The following CLCN4 variants were observed in gnomAD, a reference collection of about 807,000 sequenced individuals.
CLCN4 encodes Cl-/H+ antiporter 4, also known as H(+)/Cl(-) exchange transporter 4.
Under a neutral mutation model 41.7 loss-of-function variants are expected in CLCN4, and 1 was observed. That is an observed-to-expected ratio of 0.02 (90% CI 0.01 to 0.11). The LOEUF is 0.11. Among genes scored for constraint, CLCN4 ranks in the 10% least tolerant of loss-of-function variants. The pLI is 1.00. For synonymous variants in CLCN4, 277 were observed against 285.8 expected (o/e 0.97, Z 0.31); for missense variants, 287 against 661.0 (o/e 0.43, Z 6.20).
intron 2 of CLCN4, among the ~76,000 whole-genome samples, chrX:10,167,238 T>C (rs1323222260): frequency 1.8e-5 from 2 of 112,252 alleles, no homozygotes; most frequent in Non-Finnish European, 3.8e-5. Flanking sequence ...TCACTGTCAG[T>C]GCCTTCCTGT....
intron 2 of CLCN4, among the ~76,000 whole-genome samples, chrX:10,163,702 G>A (rs754117529): frequency 2.2e-4 from 25 of 112,194 alleles, no homozygotes; most frequent in African/African-American, 8.1e-4. Context: ...CACTGCTCCC[G>A]GCCCCTTAAT....
intron 2 of CLCN4, among the ~76,000 whole-genome samples, chrX:10,175,482 C>T (rs1027044597): frequency 4.5e-5 from 5 of 111,633 alleles, no homozygotes; most frequent in Admixed American, 3.8e-4. Flanking sequence ...CAGCACCTCT[C>T]GTAATCCACA....
At chrX:10,164,447 T>C (rs1045305854) in intron 2 of CLCN4, among the ~76,000 whole-genome samples, 4 of 111,825 alleles carry the variant, frequency 3.6e-5, no homozygotes, top group Non-Finnish European at 5.6e-5. Context: ...AGCCACTGGA[T>C]GCTCCTGTGT....
At chrX:10,226,135 T>A (rs1048903703) in intron 12 of CLCN4, among the ~76,000 whole-genome samples, 3 of 111,563 alleles carry the variant, frequency 2.7e-5, no homozygotes. Context: ...AATCACATAA[T>A]TGGAAGTGAA....
chrX:10,228,234 C>G (rs1329535975), intron 12 of CLCN4, among the ~76,000 whole-genome samples: 2 of 109,717 alleles, frequency 1.8e-5, no homozygotes, highest in Non-Finnish European at 1.9e-5. Flanking sequence ...CTCCTCCCCC[C>G]TCCCCCATTC....
chrX:10,231,024 C>T (rs1432934609), intron 12 of CLCN4, among the ~76,000 whole-genome samples: 1 of 111,779 alleles, frequency 8.9e-6, no homozygotes, highest in Non-Finnish European at 1.9e-5. Context: ...CCACCAAACC[C>T]TGACAACCAC....
At chrX:10,196,889 A>G (rs1377386830) in intron 5 of CLCN4, among the ~76,000 whole-genome samples, 3 of 112,483 alleles carry the variant, frequency 2.7e-5, no homozygotes, top group African/African-American at 9.7e-5. Flanking sequence ...AGTAAGAGTG[A>G]GAGTTATTTT....
rs773265490 is a variant in CLCN4 at position 10,216,918 on chromosome X, T to TATACAC, written c.1975+2840_1975+2841insTACACA. 1.1e-3 allele frequency among the ~76,000 whole-genome samples: 43 copies of TATACAC among 38,931 alleles called. 1 individual carries two copies. The highest frequency in any genetic ancestry group is 4.2e-3 in the African/African-American group (38 of 9,013). The allele number at this position is 38,931 out of a possible 115,157, so 33.8% of individuals were successfully genotyped here. A position where few individuals can be genotyped will look rare whatever the true frequency, so the allele number is the denominator to read the frequency against. ...GTGTGTATATATATATATATATATA[T>TATACAC]ACACACACACACATAGAGGGACTTC... On this transcript the variant is annotated intron_variant, in intron 11 of 12. Coordinates refer to ENST00000380833, the MANE Select transcript of CLCN4 (RefSeq NM_001830.4).
chrX:10,171,886 T>C (rs900607489), intron 2 of CLCN4, among the ~76,000 whole-genome samples: 1 of 111,348 alleles, frequency 9.0e-6, no homozygotes, highest in African/African-American at 3.3e-5. Context: ...GCGCCTGGGA[T>C]TTGTATTGGG....
chrX:10,221,419 C>T (rs766951658), intron 12 of CLCN4, among the ~76,000 whole-genome samples: 22 of 111,475 alleles, frequency 2.0e-4, no homozygotes, highest in African/African-American at 6.9e-4. Flanking sequence ...CTCAGCACTT[C>T]GGGAGGCTGA....
At chrX:10,181,200 A>AT (rs1297807075) in intron 2 of CLCN4, among the ~76,000 whole-genome samples, 1 of 110,224 alleles carries the variant, frequency 9.1e-6, no homozygotes, top group African/African-American at 3.3e-5. Context: ...TCTACAGATA[A>AT]TAAAAAAAAA....
intron 12 of CLCN4, among the ~76,000 whole-genome samples, chrX:10,224,945 G>A (rs1357597215): frequency 1.8e-5 from 2 of 112,055 alleles, no homozygotes; most frequent in Admixed American, 9.5e-5. Context: ...TGGCTGCATC[G>A]TATTCCATGG....
At chrX:10,213,589 A>G in intron 10 of CLCN4, 92 bp from the exon 11 acceptor site, 1 of 842,939 alleles carries the variant, frequency 1.2e-6, no homozygotes, top group Non-Finnish European at 1.7e-6. Context: ...GTGTGAGGGG[A>G]ATTTACAGCC....
At chrX:10,210,650 CT>C (rs34763016) in intron 9 of CLCN4, among the ~76,000 whole-genome samples, 2,725 of 74,947 alleles carry the variant, frequency 0.036, 18 homozygotes, top group Middle Eastern at 0.077. Context: ...CCTGAATTGT[CT>C]TTTTTTTTTT....
rs991506822 is a variant in CLCN4 at position 10,237,080 on chromosome X, T to C, written c.*3496T>C. 8.9e-6 allele frequency: 1 copy of C among 112,517 alleles called. No homozygotes were observed. Among genetic ancestry groups the C allele is most frequent in the Non-Finnish European group, 1.9e-5 (1 of 53,361 alleles). The allele number at this position is 112,517 out of a possible 1,213,427, so 9.3% of individuals were successfully genotyped here. A position where few individuals can be genotyped will look rare whatever the true frequency, so the allele number is the denominator to read the frequency against. ...TGAACCAGGTAATCTCAGTTCTTTA[T>C]TCAGTCCTTCCCAAAGACCTTACAA... On this transcript the variant is annotated 3_prime_UTR_variant, in exon 13 of 13. Coordinates refer to ENST00000380833, the MANE Select transcript of CLCN4 (RefSeq NM_001830.4).
rs1923011417 is a variant in CLCN4 at position 10,158,503 on chromosome X, C to G, written c.-60C>G. On this transcript the variant is annotated 5_prime_UTR_variant, in exon 2 of 13. Transcript: ENST00000380833. ...GCCGTCGCGCTGAAGAAAGGATGCTCGAGGATGCTGTCCAGGTGGGCGGCC... is the reference window on the plus strand; with the variant it reads ...GCCGTCGCGCTGAAGAAAGGATGCTGGAGGATGCTGTCCAGGTGGGCGGCC... 1 of 297,657 alleles carries G rather than the reference C, an allele frequency of 3.4e-6. No homozygotes were observed. The highest frequency in any genetic ancestry group is 5.9e-6 in the Non-Finnish European group (1 of 169,999). The allele number at this position is 297,657 out of a possible 1,213,427, so 24.5% of individuals were successfully genotyped here.
chrX:10,170,459 T>G (rs781060741), intron 2 of CLCN4, among the ~76,000 whole-genome samples: 15 of 112,304 alleles, frequency 1.3e-4, no homozygotes, highest in Non-Finnish European at 2.8e-4. Flanking sequence ...ATTAAAATTT[T>G]AGTGATTAAA....
At chrX:10,197,381 G>T (rs1924123659) in intron 5 of CLCN4, among the ~76,000 whole-genome samples, 1 of 111,719 alleles carries the variant, frequency 9.0e-6, no homozygotes, top group African/African-American at 3.3e-5. Flanking sequence ...GTCTGGTTCA[G>T]CAGTTCTCGG....
chrX:10,208,280 G>A lies in CLCN4; in HGVS notation c.1079G>A (p.Arg360His), dbSNP rs750086703. The A allele has an allele frequency of 8.3e-7, 1 of 1,211,373 alleles. No individual in the cohort carries two copies. The highest frequency in any genetic ancestry group is 1.7e-5 in the African/African-American group (1 of 57,686). ...IRCNIAWCRRRKTTRLGKYPV... is the reference protein window; with the variant it reads ...IRCNIAWCRRHKTTRLGKYPV... Reference sequence around the variant, plus strand: ...TGCAACATCGCCTGGTGCAGGAGGCGCAAGACCACCAGGCTGGGGAAGTAC... The same window carrying A: ...TGCAACATCGCCTGGTGCAGGAGGCACAAGACCACCAGGCTGGGGAAGTAC... The change falls in exon 9 of 13, where the codon CGC becomes CAC. Residue 360 changes from arginine to histidine, a missense_variant. By Grantham distance (29) the Arg-to-His change is conservative. Around this residue, in one of 6 missense-constraint regions of CLCN4, gnomAD observed 94 missense variants for 177.9 expected, o/e 0.53. Transcript: ENST00000380833.
Sources: allele counts gnomAD v4.1 joint callset (sites outside exome capture counted in the v4.1 genomes callset), GRCh38; gene constraint gnomAD v4.1.1; regional missense constraint gnomAD v4.1.1; transcripts MANE v1.5; gene names NCBI Gene and HGNC (gene_info 2026-07-23, HGNC 2026-07-21).